FER: variants seen among roughly 807,000 people sequenced by gnomAD.
The protein encoded by FER is FER tyrosine kinase, also known as tyrosine-protein kinase Fer.
FER carries 63 observed loss-of-function variants against 111.0 expected under a neutral mutation model. That is an observed-to-expected ratio of 0.57 (90% CI 0.46 to 0.70). FER has a LOEUF of 0.70. Among genes scored for constraint, FER ranks in the 30% least tolerant of loss-of-function variants. The pLI is 0.00. For missense variants in FER, 914 were observed against 954.0 expected (o/e 0.96, Z 0.55); for synonymous variants, 327 against 313.9 (o/e 1.04, Z -0.44).
intron 10 of FER, among the ~76,000 whole-genome samples, chr5:108,929,216 T>G (rs1487549827): frequency 6.6e-6 from 1 of 152,160 alleles, no homozygotes; most frequent in Non-Finnish European, 1.5e-5. Context: ...CTGTTTGTTT[T>G]GTTTGTGATA....
intron 17 of FER, among the ~76,000 whole-genome samples, chr5:109,155,723 C>G (rs955582704): frequency 6.6e-6 from 1 of 151,904 alleles, no homozygotes; most frequent in African/African-American, 2.4e-5. Context: ...TTACACAATT[C>G]TGAAATGGAT....
intron 8 of FER, among the ~76,000 whole-genome samples, chr5:108,873,359 G>C (rs1764785984): frequency 6.6e-6 from 1 of 152,096 alleles, no homozygotes; most frequent in South Asian, 2.1e-4. Flanking sequence ...TGGCCAGGCT[G>C]ATCTCAAATT....
At chr5:108,860,389 A>T (rs1763404017) in intron 5 of FER, among the ~76,000 whole-genome samples, 1 of 152,234 alleles carries the variant, frequency 6.6e-6, no homozygotes, top group Admixed American at 6.5e-5. Flanking sequence ...CAACCCAGTG[A>T]ATTAGAAAGG....
intron 3 of FER, among the ~76,000 whole-genome samples, chr5:108,814,429 A>G (rs894714541): frequency 2.0e-5 from 3 of 152,180 alleles, no homozygotes; most frequent in Non-Finnish European, 4.4e-5. Context: ...AAGTAAGAGG[A>G]GAAATGTGTC....
intron 3 of FER, 141 bp from the exon 4 acceptor site, chr5:108,832,629 T>C: frequency 1.9e-6 from 1 of 515,288 alleles, no homozygotes; most frequent in East Asian, 3.5e-5. Flanking sequence ...CATAGATCTT[T>C]GAACAGTTGC....
intron 10 of FER, among the ~76,000 whole-genome samples, chr5:108,916,530 G>GTT (rs936059451): frequency 6.8e-4 from 104 of 152,014 alleles, no homozygotes; most frequent in African/African-American, 2.2e-3. Context: ...ATAGACTTGC[G>GTT]TTATATATAT....
chr5:108,768,368 C>T (rs1752546786), intron 2 of FER, 130 bp downstream of exon 2: 1 of 152,068 alleles, frequency 6.6e-6, no homozygotes, highest in Non-Finnish European at 1.5e-5. Context: ...TAGGCTGTTA[C>T]TGTTTTATAT....
At chr5:108,976,257 T>A (rs199563350) in intron 13 of FER, among the ~76,000 whole-genome samples, 2 of 152,324 alleles carry the variant, frequency 1.3e-5, no homozygotes, top group East Asian at 3.9e-4. Flanking sequence ...TGATAACTCA[T>A]CTACTTCTCT....
chr5:109,131,859 A>G (rs1752394980), intron 17 of FER, among the ~76,000 whole-genome samples: 1 of 152,184 alleles, frequency 6.6e-6, no homozygotes, highest in Non-Finnish European at 1.5e-5. Context: ...TGTTAGTATC[A>G]TGCATACTCC....
At chr5:108,909,216 G>A (rs1026795907) in intron 10 of FER, among the ~76,000 whole-genome samples, 10 of 152,180 alleles carry the variant, frequency 6.6e-5, no homozygotes, top group African/African-American at 2.4e-4. Flanking sequence ...AAGAGAATGT[G>A]TGAATGTTAT....
At chr5:109,112,214 A>G (rs1749706750) in intron 17 of FER, among the ~76,000 whole-genome samples, 4 of 152,162 alleles carry the variant, frequency 2.6e-5, no homozygotes, top group Admixed American at 6.6e-5. Context: ...AGTTCAAATT[A>G]TAGTAGTATT....
chr5:108,972,409 C>T (rs1319372632), intron 13 of FER, among the ~76,000 whole-genome samples: 5 of 152,146 alleles, frequency 3.3e-5, no homozygotes, highest in African/African-American at 7.2e-5. Context: ...CAGAACATCT[C>T]GCATGATGAT....
At chr5:108,768,975 C>A (rs1421407119) in intron 2 of FER, among the ~76,000 whole-genome samples, 1 of 152,082 alleles carries the variant, frequency 6.6e-6, no homozygotes, top group African/African-American at 2.4e-5. Context: ...CAGGAGCTCA[C>A]CACCACTCCT....
intron 17 of FER, among the ~76,000 whole-genome samples, chr5:109,140,413 G>C (rs930414383): frequency 3.3e-5 from 5 of 152,020 alleles, no homozygotes; most frequent in African/African-American, 1.2e-4. Context: ...GCATTCCATG[G>C]AAAAAAAGTT....
chr5:109,175,939 A>G (rs543690231), intron 17 of FER, among the ~76,000 whole-genome samples: 1 of 152,190 alleles, frequency 6.6e-6, no homozygotes, highest in Non-Finnish European at 1.5e-5. Context: ...AGATCGTGCC[A>G]CTGCACTCCA....
In FER at chr5:108,804,329, C is replaced by T. The variant is rs1322497756; in HGVS notation, c.207+5940C>T. ...CTATTTGGGTGCCTTTTATTTTTTT[C>T]TCTTGCCTGATTGTTCTGGCTAGGA... On this transcript the variant is annotated intron_variant, in intron 3 of 19. Coordinates refer to ENST00000281092, the MANE Select transcript of FER (RefSeq NM_005246.4). 3.3e-5 allele frequency among the ~76,000 whole-genome samples: 5 copies of T among 152,102 alleles called. No homozygotes were observed. In the South Asian group the frequency reaches 6.2e-4, roughly 19 times the overall value.
At chr5:108,851,234 G>A (rs546450919) in intron 5 of FER, among the ~76,000 whole-genome samples, 9 of 152,308 alleles carry the variant, frequency 5.9e-5, no homozygotes, top group Middle Eastern at 3.4e-3. Flanking sequence ...CCTCACAATC[G>A]TGGCAGAAGG....
rs1770531622 is a variant in FER, at chr5:109,037,277, C to T, written c.1657-145C>T. 8.2e-6 allele frequency: 5 copies of T among 612,458 alleles called. No individual in the cohort carries two copies. In the South Asian group the frequency reaches 1.1e-4, roughly 14 times the overall value. 37.9% of individuals were successfully genotyped at this position (612,458 alleles called of 1,614,324 possible). On this transcript the variant is annotated intron_variant, in intron 13 of 19. Transcript: ENST00000281092. ...GTTTCTTAAATTTGTTTTACAGCAT[C>T]TTGGGGTTATAACTTCTCAGTGTGC...
Position 109,037,715 on chromosome 5 carries a change from C to T in FER, c.1713+237C>T, listed in dbSNP as rs3797826. Among the ~76,000 whole-genome samples, 10 of 151,970 alleles carry T rather than the reference C, an allele frequency of 6.6e-5. No homozygotes were observed. In the East Asian group the frequency reaches 1.9e-3, roughly 29 times the overall value. The stretch of plus-strand genomic sequence containing the variant: ...TAAGAATATTATATGTGTGTTTTCC[C>T]CTGGAAGGACTAAAAATCATAATGA... On this transcript the variant is annotated intron_variant, in intron 14 of 19. Transcript: ENST00000281092.
Sources: allele counts gnomAD v4.1 joint callset (sites outside exome capture counted in the v4.1 genomes callset), GRCh38; gene constraint gnomAD v4.1.1; transcripts MANE v1.5; gene names NCBI Gene and HGNC (gene_info 2026-07-23, HGNC 2026-07-21).